Variants in EBF1 observed in about 807,000 individuals in gnomAD.
The protein encoded by EBF1 is EBF transcription factor 1, also known as transcription factor COE1.
Under a neutral mutation model 68.4 loss-of-function variants are expected in EBF1, and 10 were observed. The ratio of observed to expected loss-of-function variants is 0.15; its 90% CI spans 0.09 to 0.25. The LOEUF (loss-of-function observed/expected upper bound fraction) is 0.25. Ranked by LOEUF, EBF1 falls within the 10% of genes least tolerant of loss-of-function variation. The pLI is 1.00. For synonymous variants in EBF1, 298 were observed against 299.8 expected (o/e 0.99, Z 0.06); for missense variants, 509 against 794.4 (o/e 0.64, Z 4.32).
intron 8 of EBF1, among the ~76,000 whole-genome samples, chr5:158,820,273 G>A (rs1784574044): frequency 6.6e-6 from 1 of 151,834 alleles, no homozygotes; most frequent in South Asian, 2.1e-4. Context: ...GCGGTGGGGG[G>A]TGGGAGCGGA....
At chr5:158,911,641 A>G (rs1805997566) in intron 6 of EBF1, among the ~76,000 whole-genome samples, 1 of 150,818 alleles carries the variant, frequency 6.6e-6, no homozygotes, top group Non-Finnish European at 1.5e-5. Context: ...AAATCATAAC[A>G]TAATAATCAT....
intron 6 of EBF1, among the ~76,000 whole-genome samples, chr5:158,985,239 G>A (rs937074400): frequency 6.6e-6 from 1 of 152,184 alleles, no homozygotes; most frequent in African/African-American, 2.4e-5. Flanking sequence ...CTGAAAACTG[G>A]CAACCTGGAT....
At chr5:158,839,073 C>T (rs900126888) in intron 7 of EBF1, among the ~76,000 whole-genome samples, 2 of 152,190 alleles carry the variant, frequency 1.3e-5, no homozygotes, top group East Asian at 1.9e-4. Context: ...AGAAGCACCA[C>T]GTCTAGACTC....
At chr5:159,057,541 G>A (rs964766713) in intron 6 of EBF1, among the ~76,000 whole-genome samples, 4 of 152,198 alleles carry the variant, frequency 2.6e-5, no homozygotes, top group Admixed American at 6.5e-5. Flanking sequence ...CCCTAAGGCT[G>A]ATTGCACACA....
chr5:158,933,686 G>T (rs1811370185), intron 6 of EBF1, among the ~76,000 whole-genome samples: 1 of 152,242 alleles, frequency 6.6e-6, no homozygotes, highest in Admixed American at 6.5e-5. Context: ...ACCTCTCTGA[G>T]CCAATGGTCA....
rs574547007 is a variant in EBF1 at position 158,976,350 on chromosome 5, C to A, written c.554+97046G>T. Among the ~76,000 whole-genome samples the A allele has an allele frequency of 4.6e-5, 7 of 151,444 alleles. No individual in the cohort carries two copies. The East Asian group carries it at 1.4e-3, about 30-fold the overall frequency. The stretch of plus-strand genomic sequence containing the variant: ...TGGGTACTTTTCCTCCTCCCCTCAA[C>A]CCCCCTCCAGCTTGATTTCACACCA... On this transcript the variant is annotated intron_variant, in intron 6 of 15. Coordinates refer to ENST00000313708, the MANE Select transcript of EBF1 (RefSeq NM_024007.5).
chr5:158,711,868 T>C (rs1759410428), intron 14 of EBF1, among the ~76,000 whole-genome samples: 1 of 152,184 alleles, frequency 6.6e-6, no homozygotes, highest in Non-Finnish European at 1.5e-5. Flanking sequence ...CCCGTCTTCA[T>C]CTAACTCAGA....
chr5:158,807,069 T>C lies in EBF1; in HGVS notation c.779-10594A>G, dbSNP rs551429295. On this transcript the variant is annotated intron_variant, in intron 8 of 15. Transcript: ENST00000313708. ...GCTATCATATTGGACAGCACAGAGATAGGACACTTCCATCATCACAGGAAG... is the reference window on the plus strand; with the variant it reads ...GCTATCATATTGGACAGCACAGAGACAGGACACTTCCATCATCACAGGAAG... 4.6e-5 allele frequency among the ~76,000 whole-genome samples: 7 copies of C among 152,276 alleles called. No individual in the cohort carries two copies. In the South Asian group the frequency reaches 6.2e-4, roughly 14 times the overall value.
At chr5:158,861,705 C>T (rs1272446852) in intron 6 of EBF1, among the ~76,000 whole-genome samples, 1 of 152,180 alleles carries the variant, frequency 6.6e-6, no homozygotes, top group Non-Finnish European at 1.5e-5. Context: ...GCAGTTCCCA[C>T]TTGTTTTGGC....
At chr5:158,954,111 C>T (rs1164000969) in intron 6 of EBF1, among the ~76,000 whole-genome samples, 2 of 152,160 alleles carry the variant, frequency 1.3e-5, no homozygotes, top group African/African-American at 4.8e-5. Context: ...AACTTTTCTA[C>T]ACGATTAACC....
intron 4 of EBF1, among the ~76,000 whole-genome samples, chr5:159,095,123 C>T (rs1782357013): frequency 6.6e-6 from 1 of 152,240 alleles, no homozygotes; most frequent in African/African-American, 2.4e-5. Context: ...CACCATCATT[C>T]CCTTTGAAAA....
At chr5:158,704,629 C>CTTT (rs80210765) in intron 15 of EBF1, among the ~76,000 whole-genome samples, 1 of 141,610 alleles carries the variant, frequency 7.1e-6, no homozygotes, top group Non-Finnish European at 1.5e-5. Context: ...TCCTTTTTTT[C>CTTT]TTTTTTTTTT....
At chr5:158,893,786 C>T (rs1801646237) in intron 6 of EBF1, among the ~76,000 whole-genome samples, 1 of 152,184 alleles carries the variant, frequency 6.6e-6, no homozygotes, top group African/African-American at 2.4e-5. Flanking sequence ...AGTTACTCTG[C>T]ATAAATCCAG....
At chr5:158,993,463 C>T (rs552501945) in intron 6 of EBF1, among the ~76,000 whole-genome samples, 1 of 152,228 alleles carries the variant, frequency 6.6e-6, no homozygotes, top group African/African-American at 2.4e-5. Flanking sequence ...TCTTAAAATC[C>T]TAGTGTTTTC....
intron 6 of EBF1, among the ~76,000 whole-genome samples, chr5:158,985,263 T>G (rs892907669): frequency 6.6e-6 from 1 of 152,222 alleles, no homozygotes; most frequent in Non-Finnish European, 1.5e-5. Context: ...CAGTGGTAGT[T>G]CTGCCTAACC....
intron 10 of EBF1, among the ~76,000 whole-genome samples, chr5:158,753,240 A>C (rs1769323000): frequency 6.6e-6 from 1 of 152,130 alleles, no homozygotes; most frequent in African/African-American, 2.4e-5. Context: ...CGACAATCTT[A>C]ATACATGTAT....
chr5:158,980,930 G>C (rs756734397), intron 6 of EBF1, among the ~76,000 whole-genome samples: 8 of 152,046 alleles, frequency 5.3e-5, no homozygotes, highest in Non-Finnish European at 8.8e-5. Context: ...TTCATAATAA[G>C]GTTAAGGCTA....
Position 158,699,637 on chromosome 5 carries a change from T to G in EBF1, c.1745-495A>C, listed in dbSNP as rs529563257. Among the ~76,000 whole-genome samples the G allele has an allele frequency of 2.6e-5, 4 of 152,318 alleles. No homozygotes were observed. In the East Asian group the frequency reaches 7.7e-4, roughly 29 times the overall value. ...TAAGCCACAGAGCAGAAATCTTGAG[T>G]GCCTTTGCTTAGGTCCTTAAGCTGG... On this transcript the variant is annotated intron_variant, in intron 15 of 15. Coordinates refer to ENST00000313708, the MANE Select transcript of EBF1 (RefSeq NM_024007.5).
chr5:158,976,850 G>A (rs530351291), intron 6 of EBF1, among the ~76,000 whole-genome samples: 1 of 152,168 alleles, frequency 6.6e-6, no homozygotes, highest in Admixed American at 6.5e-5. Context: ...TAATCACTGA[G>A]GCATAGAGAG....
Sources: gnomAD v4.1 joint callset for allele counts (sites outside exome capture counted in the v4.1 genomes callset) on GRCh38, gnomAD v4.1.1 for gene constraint, MANE v1.5 for transcripts, NCBI Gene and HGNC (gene_info 2026-07-23, HGNC 2026-07-21) for gene names.